TUBGCP5: variants seen among roughly 807,000 people sequenced by gnomAD.
The protein encoded by TUBGCP5 is gamma-tubulin complex component 5.
Under a neutral mutation model 134.7 loss-of-function variants are expected in TUBGCP5, and 98 were observed. That is an observed-to-expected ratio of 0.73 (90% CI 0.62 to 0.86). The LOEUF (loss-of-function observed/expected upper bound fraction) is 0.86. TUBGCP5 is among the 40% of genes least tolerant of loss of function. TUBGCP5 has a pLI of 0.00. For missense variants in TUBGCP5, 1,150 were observed against 1,244.8 expected (o/e 0.92, Z 1.15); for synonymous variants, 456 against 431.4 (o/e 1.06, Z -0.71).
chr15:23,014,797 C>T (rs2065223585), intron 13 of TUBGCP5, among the ~76,000 whole-genome samples: 1 of 152,202 alleles, frequency 6.6e-6, no homozygotes. Flanking sequence ...GTGCTCATGT[C>T]CAAGGCTTGA....
At chr15:23,024,353 C>G in intron 9 of TUBGCP5, 160 bp from the exon 10 acceptor site, 1 of 743,860 alleles carries the variant, frequency 1.3e-6, no homozygotes. Flanking sequence ...ATTTTATACA[C>G]AAAGGAAAAA....
At chr15:23,036,870 G>A in intron 3 of TUBGCP5, 27 bp downstream of exon 3, 1 of 1,372,522 alleles carries the variant, frequency 7.3e-7, no homozygotes, top group East Asian at 2.3e-5. Flanking sequence ...AAAATACACA[G>A]TGGAGATCTC....
At chr15:23,000,351 T>C in intron 22 of TUBGCP5, 3 of 1,284,768 alleles carry the variant, frequency 2.3e-6, no homozygotes, top group Non-Finnish European at 2.9e-6. Context: ...TCTGTTGTAA[T>C]AAATGGTATA....
At chr15:22,997,975 T>C (rs1444907430), downstream of TUBGCP5, among the ~76,000 whole-genome samples, 3 of 152,014 alleles carry the variant, frequency 2.0e-5, no homozygotes, top group Non-Finnish European at 4.4e-5. Context: ...AATTTAATAG[T>C]AAGCATAATT....
chr15:23,000,013 C>G, intron 22 of TUBGCP5, 147 bp from the exon 23 acceptor site: 1 of 736,468 alleles, frequency 1.4e-6, no homozygotes, highest in Non-Finnish European at 2.2e-6. Context: ...CGGGTTCAAG[C>G]AATTTTCCTG....
chr15:23,016,028 C>T lies in TUBGCP5; in HGVS notation c.1756+1745G>A, dbSNP rs535909927. ...GAGACTACAATGATATAGGAAATGC[C>T]GGAAAAATAATTCAGAATTAAAATC... On this transcript the variant is annotated intron_variant, in intron 13 of 22. Transcript: ENST00000615383. Among the ~76,000 whole-genome samples the T allele has an allele frequency of 4.5e-4, 68 of 151,954 alleles. 2 individuals are homozygous for T. The South Asian group carries it at 9.5e-3, about 21-fold the overall frequency.
chr15:23,014,169 G>A (rs1053616736), intron 13 of TUBGCP5, among the ~76,000 whole-genome samples: 2 of 152,204 alleles, frequency 1.3e-5, no homozygotes, highest in African/African-American at 4.8e-5. Flanking sequence ...TGGTGAAGCA[G>A]TTACAGACCT....
chr15:23,016,986 A>ATATATATATATATGTG (rs373904143), intron 13 of TUBGCP5, among the ~76,000 whole-genome samples: 1 of 138,288 alleles, frequency 7.2e-6, no homozygotes, highest in Non-Finnish European at 1.6e-5. Context: ...ATATATATAT[A>ATATATATATATATGTG]TGTATATATC....
At position 23,009,851 on chromosome 15, in the gene TUBGCP5, C is replaced by G. The variant is rs533434117; in HGVS notation, c.2144+94G>C. On this transcript the variant is annotated intron_variant, in intron 15 of 22. Coordinates refer to ENST00000615383, the MANE Select transcript of TUBGCP5 (RefSeq NM_052903.6). The stretch of plus-strand genomic sequence containing the variant: ...GTTTACTGTATATCCATTTCCTACT[C>G]TAATAAAAATTGAAATAGGTTTTAA... The G allele has an allele frequency of 6.9e-5, 80 of 1,156,056 alleles. No individual in the cohort carries two copies. The Middle Eastern group carries it at 3.3e-3, about 48-fold the overall frequency. The allele number at this position is 1,156,056 out of a possible 1,614,324, so 71.6% of individuals were successfully genotyped here. A position where few individuals can be genotyped will look rare whatever the true frequency, so the allele number is the denominator to read the frequency against.
chr15:23,006,012 TAAATA>T (rs1296603127), intron 18 of TUBGCP5, 35 bp downstream of exon 18: 1 of 1,559,818 alleles, frequency 6.4e-7, no homozygotes, highest in Non-Finnish European at 8.6e-7. Flanking sequence ...GGGCTAAAAT[TAAATA>T]AAATTACAAT....
intron 3 of TUBGCP5, among the ~76,000 whole-genome samples, chr15:23,034,192 A>G (rs1185113846): frequency 6.6e-6 from 1 of 152,208 alleles, no homozygotes; most frequent in Non-Finnish European, 1.5e-5. Context: ...CTGGAACTTC[A>G]GTAATTGTGG....
At position 23,032,731 on chromosome 15, in the gene TUBGCP5, CTTCT is replaced by C. The variant is rs777244048; in HGVS notation, c.399_402del (p.Glu134TrpfsTer13). ...GTTAAGGAATCTAGTAACATACCCA[CTTCT>C]TTATTTCTTGGTGTCTCCACATAAC... On this transcript the variant is annotated frameshift_variant, in exon 4 of 23. Transcript: ENST00000615383. LOFTEE classifies it high-confidence loss of function. The C allele has an allele frequency of 6.4e-7, 1 of 1,572,596 alleles. No homozygotes were observed. The highest frequency in any genetic ancestry group is 1.2e-5 in the South Asian group (1 of 83,492).
intron 6 of TUBGCP5, among the ~76,000 whole-genome samples, chr15:23,027,828 A>T (rs927696889): frequency 3.6e-4 from 53 of 148,010 alleles, no homozygotes; most frequent in African/African-American, 1.1e-3. Flanking sequence ...CTAGAAAGTA[A>T]AAAAAAAAAA....
rs141351206 is a variant in TUBGCP5 at position 23,007,918 on chromosome 15, T to C, written c.2327+781A>G. Among the ~76,000 whole-genome samples, 644 of 152,066 alleles carry C rather than the reference T, an allele frequency of 4.2e-3. 3 individuals are homozygous for C. The highest frequency in any genetic ancestry group is 0.015 in the African/African-American group (614 of 41,474). ...GTGAGGCTGAGAGACACAGAGGTCA[T>C]TGGGGAGTTCTGAGCCAGTTCTGAG... is the stretch of plus-strand genomic sequence containing the variant. On this transcript the variant is annotated intron_variant, in intron 16 of 22. Coordinates refer to ENST00000615383, the MANE Select transcript of TUBGCP5 (RefSeq NM_052903.6).
chr15:22,988,649 T>C (rs2063756298), intron 23 of TUBGCP5, among the ~76,000 whole-genome samples: 1 of 148,318 alleles, frequency 6.7e-6, no homozygotes, highest in Non-Finnish European at 1.5e-5. Flanking sequence ...GGCAGGAGAA[T>C]GGCGTGAACC....
At chr15:22,995,974 G>GC (rs2064057348), downstream of TUBGCP5, among the ~76,000 whole-genome samples, 1 of 152,128 alleles carries the variant, frequency 6.6e-6, no homozygotes, top group African/African-American at 2.4e-5. Context: ...TTTCACAGCT[G>GC]AACTGCATTC....
chr15:22,986,904 T>C (rs1466947198), intron 23 of TUBGCP5, among the ~76,000 whole-genome samples: 2 of 152,120 alleles, frequency 1.3e-5, no homozygotes, highest in Admixed American at 6.6e-5. Flanking sequence ...AAGCATATTA[T>C]GTCAGTCAGG....
In TUBGCP5 at chr15:23,003,023, G is replaced by A. The variant is rs533626269; in HGVS notation, c.2927+42C>T. On this transcript the variant is annotated intron_variant, in intron 21 of 22. Transcript: ENST00000615383. ...TCTAAAAAAAAGGGAAGCTGAAGCT[G>A]AAATGGTCACAGTGCAGATGCTGCA... 16 of 1,596,920 alleles carry A rather than the reference G, an allele frequency of 1.0e-5. No homozygotes were observed. In the South Asian group the frequency reaches 1.8e-4, roughly 18 times the overall value.
At chr15:23,019,430 ATCGGATT>A (rs1169822154) in intron 11 of TUBGCP5, 96 bp from the exon 12 acceptor site, 19 of 767,016 alleles carry the variant, frequency 2.5e-5, no homozygotes, top group Non-Finnish European at 3.6e-5. Context: ...TAAAAAAGTG[ATCGGATT>A]TCTATGTTTT....
Sources: gnomAD v4.1 joint callset for allele counts (sites outside exome capture counted in the v4.1 genomes callset) on GRCh38, gnomAD v4.1.1 for gene constraint, MANE v1.5 for transcripts, NCBI Gene and HGNC (gene_info 2026-07-23, HGNC 2026-07-21) for gene names.